The following NIPAL4 variants were observed in gnomAD, a reference collection of about 807,000 sequenced individuals.
The protein encoded by NIPAL4 is magnesium transporter NIPA4.
In NIPAL4, 21 loss-of-function variants were observed where a neutral mutation model predicts 31.6. The observed-to-expected ratio is 0.67, with a 90% CI of 0.47 to 0.96. NIPAL4 has a LOEUF of 0.96. NIPAL4 is among the 40% of genes least tolerant of loss of function. The probability of loss-of-function intolerance (pLI) is 0.00; values close to 1 mark genes in which losing one functional copy is unlikely to be tolerated. For synonymous variants in NIPAL4, 175 were observed against 211.1 expected, an observed-to-expected ratio of 0.83 and a Z score of 1.48; for missense variants, 438 against 508.0, an observed-to-expected ratio of 0.86 and a Z score of 1.32.
Position 157,472,511 on chromosome 5 carries a change from C to T in NIPAL4, c.766C>T (p.Leu256=). Residue 256 remains leucine, a synonymous_variant, in exon 6 of 6, where the codon CTG becomes TTG. Transcript: ENST00000311946. ...CACCATCAAGAACTTCTTCCAGGGG[C>T]TGCCAGTTGTCCGGCACCCGCTCCC... ...GITIKNFFQG[L]PVVRHPLPYI... is the part of the protein sequence containing the mutation. The T allele has an allele frequency of 6.2e-7, 1 of 1,613,936 alleles. No homozygotes were observed. The highest frequency in any genetic ancestry group is 8.5e-7 in the Non-Finnish European group (1 of 1,179,878).
intron 2 of NIPAL4, among the ~76,000 whole-genome samples, chr5:157,466,692 T>C (rs1754283957): frequency 6.6e-6 from 1 of 152,170 alleles, no homozygotes; most frequent in African/African-American, 2.4e-5. Flanking sequence ...AGCAACTGGA[T>C]AAATGAGAGT....
At chr5:157,461,917 T>C (rs1754121127) in intron 1 of NIPAL4, among the ~76,000 whole-genome samples, 1 of 152,220 alleles carries the variant, frequency 6.6e-6, no homozygotes, top group Non-Finnish European at 1.5e-5. Flanking sequence ...CAACATTGCC[T>C]TTAGTCTGTT....
At chr5:157,461,282 C>T (rs1384739669) in intron 1 of NIPAL4, among the ~76,000 whole-genome samples, 2 of 152,252 alleles carry the variant, frequency 1.3e-5, no homozygotes. Flanking sequence ...TAACAGGAAT[C>T]ATCTGGCCCA....
intron 2 of NIPAL4, among the ~76,000 whole-genome samples, chr5:157,465,490 T>G (rs994576631): frequency 6.6e-6 from 1 of 152,220 alleles, no homozygotes; most frequent in South Asian, 2.1e-4. Context: ...TTTATGAAAC[T>G]GTCTCAAACC....
rs1447417056 is a variant in NIPAL4, at chr5:157,472,632, C to A, written c.887C>A (p.Pro296His). Residue 296 changes from proline (P) to histidine (H), a missense_variant, in exon 6 of 6, where the codon CCC (proline) becomes CAC (histidine). Transcript: ENST00000311946. ...ATTTTCAACACTTCCCTGGTGTTCC[C>A]CATCTACTACGTGTTCTTCACCACG... is the stretch of plus-strand genomic sequence containing the variant. ...LDIFNTSLVF[P>H]IYYVFFTTVV... The A allele has an allele frequency of 1.2e-6, 2 of 1,613,936 alleles. No individual in the cohort carries two copies. The highest frequency in any genetic ancestry group is 2.2e-5 in the South Asian group (2 of 91,074).
chr5:157,471,680 T>C lies in NIPAL4; in HGVS notation c.449T>C (p.Leu150Pro). 6.2e-7 allele frequency: 1 copy of C among 1,608,796 alleles called. No individual in the cohort carries two copies. Among genetic ancestry groups the C allele is most frequent in the South Asian group, 1.1e-5 (1 of 89,630 alleles). ...LISAILSSYF[L>P]RESLNLLGKL... Reference sequence around the variant, plus strand: ...AGTGCCATCCTCTCCTCATATTTCCTGAGGGAGAGTCTGAACCTGCTGGGG... The same window carrying C: ...AGTGCCATCCTCTCCTCATATTTCCCGAGGGAGAGTCTGAACCTGCTGGGG... The change falls in exon 5 of 6, where the codon CTG becomes CCG. Residue 150 changes from leucine (L) to proline (P), a missense_variant. Physicochemically the swap from Leu to Pro is moderately conservative, Grantham distance 98 (BLOSUM62 -3). Coordinates refer to ENST00000311946, the MANE Select transcript of NIPAL4 (RefSeq NM_001099287.2).
chr5:157,471,109 T>A (rs1754419612), intron 4 of NIPAL4, among the ~76,000 whole-genome samples: 1 of 152,206 alleles, frequency 6.6e-6, no homozygotes, highest in African/African-American at 2.4e-5. Context: ...TTTAAAACTA[T>A]CAGACATTTG....
chr5:157,462,931 G>C lies in NIPAL4; in HGVS notation c.38-163G>C, dbSNP rs553773602. 2.4e-3 allele frequency among the ~76,000 whole-genome samples: 370 copies of C among 152,306 alleles called. 3 individuals carry two copies. The highest frequency in any genetic ancestry group is 3.3e-3 in the Admixed American group (51 of 15,298). Reference sequence around the variant, plus strand: ...CATGCAAAGAAAGCCCCTAACTAGCGTAAGCACTCACTGAACATAATTATT... The same window carrying C: ...CATGCAAAGAAAGCCCCTAACTAGCCTAAGCACTCACTGAACATAATTATT... On this transcript the variant is annotated intron_variant, in intron 1 of 5. Transcript: ENST00000311946.
intron 3 of NIPAL4, chr5:157,467,502 GTTAC>G (rs1340649564): frequency 1.1e-5 from 2 of 183,246 alleles, no homozygotes; most frequent in African/African-American, 2.3e-5. Flanking sequence ...TAGCTGGTCC[GTTAC>G]TTAAAGTTTG....
intron 1 of NIPAL4, 103 bp from the exon 2 acceptor site, chr5:157,462,991 G>A (rs1754148490): frequency 6.9e-7 from 1 of 1,454,848 alleles, no homozygotes. Flanking sequence ...GTATAGCCCT[G>A]CAGTAGCGGA....
chr5:157,466,889 T>A (rs1402145979), intron 2 of NIPAL4, among the ~76,000 whole-genome samples, 160 bp from the exon 3 acceptor site: 1 of 152,146 alleles, frequency 6.6e-6, no homozygotes, highest in Admixed American at 6.5e-5. Flanking sequence ...ATAGATGGTA[T>A]TTAAAACTTT....
chr5:157,469,099 C>G (rs2113666294), intron 4 of NIPAL4, among the ~76,000 whole-genome samples: 1 of 152,284 alleles, frequency 6.6e-6, no homozygotes, highest in South Asian at 2.1e-4. Flanking sequence ...TATTTTGGTG[C>G]CGTGATAGAT....
At chr5:157,466,512 T>A (rs1237417804) in intron 2 of NIPAL4, among the ~76,000 whole-genome samples, 1 of 152,230 alleles carries the variant, frequency 6.6e-6, no homozygotes, top group Non-Finnish European at 1.5e-5. Context: ...AGAGTAACTA[T>A]GAAGGAGGCT....
chr5:157,472,652 A>C lies in NIPAL4; in HGVS notation c.907A>C (p.Thr303Pro). 1.9e-6 allele frequency: 3 copies of C among 1,613,812 alleles called. No homozygotes were observed. Among genetic ancestry groups the C allele is most frequent in the Non-Finnish European group, 2.5e-6 (3 of 1,179,860 alleles). Reference protein sequence around the residue: ...LVFPIYYVFFTTVVVTSSIIL... With the variant: ...LVFPIYYVFFPTVVVTSSIIL... ...GTTCCCCATCTACTACGTGTTCTTC[A>C]CCACGGTGGTCGTTACCTCGTCCAT... The change falls in exon 6 of 6, where the codon ACC becomes CCC. Residue 303 changes from threonine (T) to proline (P), a missense_variant. Coordinates refer to ENST00000311946, the MANE Select transcript of NIPAL4 (RefSeq NM_001099287.2).
intron 4 of NIPAL4, among the ~76,000 whole-genome samples, chr5:157,470,878 A>G (rs1385004673): frequency 2.0e-5 from 3 of 152,212 alleles, no homozygotes; most frequent in Non-Finnish European, 4.4e-5. Context: ...GGATGTGTCC[A>G]TTGGGAAGGC....
chr5:157,460,942 TC>T (rs1754086750), intron 1 of NIPAL4, among the ~76,000 whole-genome samples: 2 of 152,294 alleles, frequency 1.3e-5, no homozygotes, highest in African/African-American at 4.8e-5. Flanking sequence ...TATCTTGCTA[TC>T]CCCACTCTAA....
chr5:157,461,666 T>C (rs1295610360), intron 1 of NIPAL4, among the ~76,000 whole-genome samples: 1 of 152,224 alleles, frequency 6.6e-6, no homozygotes, highest in East Asian at 1.9e-4. Context: ...AGATGCCTCT[T>C]GTCTCATCTT....
chr5:157,468,375 A>C (rs1754340114), intron 3 of NIPAL4, among the ~76,000 whole-genome samples: 1 of 152,178 alleles, frequency 6.6e-6, no homozygotes, highest in Non-Finnish European at 1.5e-5. Flanking sequence ...CTAGAATTTA[A>C]ATTAAAAATC....
In NIPAL4 at chr5:157,462,559, T is replaced by C. The variant is rs372664297; in HGVS notation, c.38-535T>C. ...CCAGATGCTACCTGCTTTATTGAGGTGTGTGTGATGGTTAAGAGCCTGGGC... is the reference window on the plus strand; with the variant it reads ...CCAGATGCTACCTGCTTTATTGAGGCGTGTGTGATGGTTAAGAGCCTGGGC... On this transcript the variant is annotated intron_variant, in intron 1 of 5. Transcript: ENST00000311946. Among the ~76,000 whole-genome samples, 138 of 152,164 alleles carry C rather than the reference T, an allele frequency of 9.1e-4. No homozygotes were observed. In the Middle Eastern group the frequency reaches 0.01, roughly 11 times the overall value.
Sources: gnomAD v4.1 joint callset for allele counts (sites outside exome capture counted in the v4.1 genomes callset) on GRCh38, gnomAD v4.1.1 for gene constraint, MANE v1.5 for transcripts, NCBI Gene and HGNC (gene_info 2026-07-23, HGNC 2026-07-21) for gene names.